The following NRG3 variants were observed in gnomAD, a reference collection of about 807,000 sequenced individuals.
NRG3 encodes pro-neuregulin-3, membrane-bound isoform.
A neutral mutation model predicts 66.9 loss-of-function variants in NRG3; 31 were observed. The ratio of observed to expected loss-of-function variants is 0.46; its 90% CI spans 0.35 to 0.63. The LOEUF is 0.63. Ranked by LOEUF, NRG3 falls within the 20% of genes least tolerant of loss-of-function variation. The probability of loss-of-function intolerance (pLI) is 0.00; values close to 1 mark genes in which losing one functional copy is unlikely to be tolerated. For synonymous variants in NRG3, 393 were observed against 359.4 expected (o/e 1.09, Z -1.06); for missense variants, 910 against 878.9 (o/e 1.04, Z -0.45).
intron 3 of NRG3, among the ~76,000 whole-genome samples, chr10:82,778,140 T>G (rs931816890): frequency 6.6e-6 from 1 of 152,146 alleles, no homozygotes; most frequent in Non-Finnish European, 1.5e-5. Context: ...GGTATTGCTG[T>G]TCTTCCAGCT....
intron 2 of NRG3, among the ~76,000 whole-genome samples, chr10:82,390,728 C>T (rs115719736): frequency 0.035 from 5,395 of 152,202 alleles, 160 homozygotes; most frequent in African/African-American, 0.079. Context: ...AAGAGGAATT[C>T]ATCTACTTCT....
chr10:82,085,918 A>T (rs1443168611), intron 1 of NRG3, among the ~76,000 whole-genome samples: 1 of 152,084 alleles, frequency 6.6e-6, no homozygotes, highest in Non-Finnish European at 1.5e-5. Context: ...GCTTACAGGC[A>T]TGAGCCACCG....
chr10:82,212,450 A>C (rs557710041), intron 1 of NRG3, among the ~76,000 whole-genome samples: 1 of 152,186 alleles, frequency 6.6e-6, no homozygotes, highest in African/African-American at 2.4e-5. Context: ...GTGTTTTACA[A>C]TTTACAAAGT....
intron 1 of NRG3, among the ~76,000 whole-genome samples, chr10:82,354,095 C>T (rs976412131): frequency 1.2e-3 from 159 of 132,362 alleles, no homozygotes; most frequent in African/African-American, 4.4e-3. Context: ...GGTGCAGTGG[C>T]GCAATACCAG....
At chr10:82,581,274 T>C (rs2046341223) in intron 2 of NRG3, among the ~76,000 whole-genome samples, 1 of 152,002 alleles carries the variant, frequency 6.6e-6, no homozygotes. Flanking sequence ...ACTTTTTAAT[T>C]AGGTTGTTTC....
chr10:82,650,435 A>C (rs893841070), intron 2 of NRG3, among the ~76,000 whole-genome samples: 1 of 152,098 alleles, frequency 6.6e-6, no homozygotes, highest in African/African-American at 2.4e-5. Context: ...AACAAAAACA[A>C]AAAAAAACAC....
intron 2 of NRG3, among the ~76,000 whole-genome samples, chr10:82,595,700 G>A (rs538749503): frequency 5.3e-5 from 8 of 151,848 alleles, no homozygotes; most frequent in Non-Finnish European, 7.4e-5. Flanking sequence ...CAGGAGAGTC[G>A]CTTGAACCCG....
At position 82,970,935 on chromosome 10, in the gene NRG3, G is replaced by C. The variant is rs191020831; in HGVS notation, c.1285-2853G>C. ...ATGCTGAGGCTGGTTAATTTATAAA[G>C]AGGTTTATTTGGCTCACAGTTCTGT... On this transcript the variant is annotated intron_variant, in intron 6 of 8. Coordinates refer to ENST00000372141, the MANE Select transcript of NRG3 (RefSeq NM_001010848.4). Among the ~76,000 whole-genome samples, 160 of 152,246 alleles carry C rather than the reference G, an allele frequency of 1.1e-3. 1 individual carries two copies. Among genetic ancestry groups the C allele is most frequent in the African/African-American group, 3.6e-3 (148 of 41,538 alleles).
intron 4 of NRG3, among the ~76,000 whole-genome samples, chr10:82,907,600 A>G (rs1844875418): frequency 6.6e-6 from 1 of 152,220 alleles, no homozygotes; most frequent in Admixed American, 6.5e-5. Flanking sequence ...GTTTTAATAT[A>G]ACTTGGGCCT....
chr10:82,220,926 G>A (rs1365585543), intron 1 of NRG3, among the ~76,000 whole-genome samples: 1 of 152,148 alleles, frequency 6.6e-6, no homozygotes, highest in Non-Finnish European at 1.5e-5. Context: ...GGATGCTGCA[G>A]TGAGCTATGA....
chr10:82,068,064 G>A lies in NRG3; in HGVS notation c.823+191901G>A, dbSNP rs574888769. On this transcript the variant is annotated intron_variant, in intron 1 of 8. Coordinates refer to ENST00000372141, the MANE Select transcript of NRG3 (RefSeq NM_001010848.4). The stretch of plus-strand genomic sequence containing the variant: ...TACACAACTGACAAGTGTTTCCTGC[G>A]TCGAAGAATGGTTGAGTGTGTGAGT... Among the ~76,000 whole-genome samples, 56 of 152,152 alleles carry A rather than the reference G, an allele frequency of 3.7e-4. 1 individual carries two copies. The highest frequency in any genetic ancestry group is 1.2e-3 in the African/African-American group (49 of 41,508).
At chr10:82,708,302 C>CT (rs1341506678) in intron 2 of NRG3, among the ~76,000 whole-genome samples, 1 of 151,980 alleles carries the variant, frequency 6.6e-6, no homozygotes, top group African/African-American at 2.4e-5. Context: ...TTTCTCTTTT[C>CT]TTTTTTCTTT....
In NRG3 at chr10:81,967,381, A is replaced by C. The variant is rs557477665; in HGVS notation, c.823+91218A>C. Reference sequence around the variant, plus strand: ...TATGAATGTTGAATTTTATTTCATAATTGTGAATGGGACTTTTTGTTAACT... The same window carrying C: ...TATGAATGTTGAATTTTATTTCATACTTGTGAATGGGACTTTTTGTTAACT... On this transcript the variant is annotated intron_variant, in intron 1 of 8. Transcript: ENST00000372141. 2.6e-5 allele frequency among the ~76,000 whole-genome samples: 4 copies of C among 151,680 alleles called. No individual in the cohort carries two copies. The South Asian group carries it at 8.3e-4, about 32-fold the overall frequency.
intron 2 of NRG3, among the ~76,000 whole-genome samples, chr10:82,707,413 T>C (rs2056375297): frequency 6.6e-6 from 1 of 151,702 alleles, no homozygotes; most frequent in African/African-American, 2.4e-5. Flanking sequence ...CAGGCTGGAG[T>C]GTAGTGGCAC....
At chr10:82,422,118 A>G (rs1228153415) in intron 2 of NRG3, among the ~76,000 whole-genome samples, 2 of 152,112 alleles carry the variant, frequency 1.3e-5, no homozygotes, top group South Asian at 4.1e-4. Flanking sequence ...TGCAGATTTC[A>G]ATACACTTGT....
intron 1 of NRG3, among the ~76,000 whole-genome samples, chr10:82,355,758 C>A (rs1049560618): frequency 6.6e-6 from 1 of 152,124 alleles, no homozygotes; most frequent in South Asian, 2.1e-4. Flanking sequence ...TTACCTTAGC[C>A]AATGCCTCTG....
chr10:82,203,420 AG>A (rs1270814848), intron 1 of NRG3, among the ~76,000 whole-genome samples: 5 of 152,168 alleles, frequency 3.3e-5, no homozygotes, highest in African/African-American at 1.2e-4. Context: ...TAAAAATAAA[AG>A]TAGCTTGTAC....
intron 1 of NRG3, among the ~76,000 whole-genome samples, chr10:82,057,964 C>T (rs2063935171): frequency 1.4e-5 from 1 of 71,852 alleles, no homozygotes; most frequent in Admixed American, 1.5e-4. Context: ...TTCTCTCTTT[C>T]TTTCCTTTCT....
intron 2 of NRG3, among the ~76,000 whole-genome samples, chr10:82,388,299 A>G (rs1259934419): frequency 2.0e-5 from 3 of 152,230 alleles, no homozygotes; most frequent in Admixed American, 6.5e-5. Context: ...TTTAAATCAA[A>G]GGAAACCAAG....
Sources: allele counts gnomAD v4.1 joint callset (sites outside exome capture counted in the v4.1 genomes callset), GRCh38; gene constraint gnomAD v4.1.1; transcripts MANE v1.5; gene names NCBI Gene and HGNC (gene_info 2026-07-23, HGNC 2026-07-21).